UPF1: variants seen among roughly 807,000 people sequenced by gnomAD.
UPF1 encodes UPF1 RNA helicase and ATPase.
In UPF1, 9 loss-of-function variants were observed where a neutral mutation model predicts 129.2. That is an observed-to-expected ratio of 0.07 (90% CI 0.04 to 0.12). UPF1 has a LOEUF of 0.12. UPF1 is among the 10% of genes least tolerant of loss of function. The pLI is 1.00. For missense variants in UPF1, 788 were observed against 1,525.3 expected, an observed-to-expected ratio of 0.52 and a Z score of 8.05; for synonymous variants, 649 against 644.9, an observed-to-expected ratio of 1.01 and a Z score of -0.10.
At chr19:18,847,996 G>A in intron 3 of UPF1, 163 bp downstream of exon 3, 1 of 645,666 alleles carries the variant, frequency 1.5e-6, no homozygotes, top group Non-Finnish European at 2.7e-6. Flanking sequence ...GGTGGTGTGT[G>A]AATGCCTTAA....
intron 2 of UPF1, among the ~76,000 whole-genome samples, chr19:18,846,538 T>G (rs1394721610): frequency 1.3e-5 from 2 of 152,116 alleles, no homozygotes; most frequent in East Asian, 3.9e-4. Context: ...TCCCGCTGCC[T>G]TGGCCGTGCC....
intron 1 of UPF1, among the ~76,000 whole-genome samples, chr19:18,835,592 G>A (rs755433832): frequency 4.6e-5 from 7 of 152,216 alleles, no homozygotes; most frequent in South Asian, 2.1e-4. Flanking sequence ...CACTTGCCTC[G>A]GCCTCCCAAA....
Position 18,865,506 on chromosome 19 carries a change from G to A in UPF1, c.3020-55G>A. The A allele has an allele frequency of 5.0e-6, 8 of 1,612,552 alleles. No homozygotes were observed. Among genetic ancestry groups the A allele is most frequent in the Non-Finnish European group, 6.8e-6 (8 of 1,178,968 alleles). On this transcript the variant is annotated intron_variant, in intron 21 of 23. Transcript: ENST00000262803. This position sits in a 1 kb window ranked among gnomAD's most constrained non-coding sequence, Gnocchi z 6.1. ...CCCTCCTGAGAGCTCTTGAGGGTGT[G>A]CTTGTCTGCGAGGCCCTGGCCTCCT...
intron 3 of UPF1, 133 bp from the exon 4 acceptor site, chr19:18,849,942 C>T: frequency 8.9e-7 from 1 of 1,129,746 alleles, no homozygotes; most frequent in Non-Finnish European, 1.3e-6. Context: ...CCAGAGATGC[C>T]AGATGGATGA....
chr19:18,838,206 G>A (rs2055503568), intron 1 of UPF1, among the ~76,000 whole-genome samples: 1 of 152,254 alleles, frequency 6.6e-6, no homozygotes, highest in East Asian at 1.9e-4. Flanking sequence ...GGGCACGATG[G>A]CCCATGCCTG....
At position 18,860,325 on chromosome 19, in the gene UPF1, T is replaced by C; in HGVS notation, c.2187T>C (p.Asp729=). Residue 729 remains aspartate (D), a synonymous_variant, in exon 16 of 24, where the codon GAT becomes GAC. Coordinates refer to ENST00000262803, the MANE Select transcript of UPF1 (RefSeq NM_002911.4). ...GSLQNGVTAA[D]RVKKGFDFQW... is the part of the protein sequence containing the mutation. ...CTTCTTTCCCTCCCCTCACAGCGGA[T>C]CGTGTGAAGAAGGGATTTGACTTCC... 1 of 1,613,688 alleles carries C rather than the reference T, an allele frequency of 6.2e-7. No individual in the cohort carries two copies. Among genetic ancestry groups the C allele is most frequent in the Non-Finnish European group, 8.5e-7 (1 of 1,179,684 alleles).
At chr19:18,846,200 G>C in intron 2 of UPF1, 81 bp downstream of exon 2, 2 of 1,575,694 alleles carry the variant, frequency 1.3e-6, no homozygotes, top group Non-Finnish European at 1.7e-6. Context: ...TCACCTCCCA[G>C]GTACAGGGTG....
At position 18,833,271 on chromosome 19, in the gene UPF1, A is replaced by G. The variant is rs2055448717; in HGVS notation, c.231+831A>G. 3.3e-5 allele frequency: 5 copies of G among 152,294 alleles called. No homozygotes were observed. The South Asian group carries it at 8.3e-4, about 25-fold the overall frequency. 9.4% of individuals were successfully genotyped at this position (152,294 alleles called of 1,614,324 possible). ...CACATATTGGCTGGCTATTAAGATC[A>G]TTCAGGAAGCAGGTTGTATTTTGTT... On this transcript the variant is annotated intron_variant, in intron 1 of 23. Transcript: ENST00000262803.
Position 18,852,189 on chromosome 19 carries a change from C to G in UPF1, c.865C>G (p.Pro289Ala). The G allele has an allele frequency of 1.2e-6, 2 of 1,613,490 alleles. No individual in the cohort carries two copies. The highest frequency in any genetic ancestry group is 1.7e-6 in the Non-Finnish European group (2 of 1,179,628). ...DLEKPGVDEEPQHVLLRYEDA... is the reference protein window; with the variant it reads ...DLEKPGVDEEAQHVLLRYEDA... ...GGAGAAGCCGGGGGTGGACGAGGAG[C>G]CGCAGCATGTCCTCCTGCGGTACGA... The change falls in exon 6 of 24, where the codon CCG becomes GCG. Residue 289 changes from proline (P) to alanine (A), a missense_variant. Transcript: ENST00000262803.
At chr19:18,864,899 C>T (rs933354706) in intron 20 of UPF1, among the ~76,000 whole-genome samples, 4 of 152,042 alleles carry the variant, frequency 2.6e-5, no homozygotes, top group African/African-American at 7.3e-5. Context: ...CCACCATGCC[C>T]GGCTAGTTTT....
At chr19:18,864,848 C>T (rs1355868441) in intron 20 of UPF1, among the ~76,000 whole-genome samples, 4 of 146,490 alleles carry the variant, frequency 2.7e-5, no homozygotes, top group African/African-American at 1.0e-4. Context: ...AAGCGATTCT[C>T]CTGCCTTGGC....
chr19:18,854,048 C>T (rs2055689050), intron 8 of UPF1, among the ~76,000 whole-genome samples: 1 of 152,166 alleles, frequency 6.6e-6, no homozygotes, highest in Admixed American at 6.5e-5. Flanking sequence ...GGTTTTGGGG[C>T]TCGGGGTCGA....
At position 18,866,821 on chromosome 19, in the gene UPF1, C is replaced by A. The variant is rs1002785457; in HGVS notation, c.*304C>A. On this transcript the variant is annotated 3_prime_UTR_variant, in exon 24 of 24. Transcript: ENST00000262803. ...AGGGCGGAGGGAGGAAGACCCTCAT[C>A]TCAGAGTAGCCCTTTCCTCTGTTCT... 5 of 152,612 alleles carry A rather than the reference C, an allele frequency of 3.3e-5. No homozygotes were observed. The highest frequency in any genetic ancestry group is 1.2e-4 in the African/African-American group (5 of 41,468). The allele number at this position is 152,612 out of a possible 1,614,324, so 9.5% of individuals were successfully genotyped here. A position where few individuals can be genotyped will look rare whatever the true frequency, so the allele number is the denominator to read the frequency against.
At chr19:18,849,661 G>T (rs1355884107) in intron 3 of UPF1, among the ~76,000 whole-genome samples, 15 of 152,314 alleles carry the variant, frequency 9.8e-5, no homozygotes, top group Non-Finnish European at 1.6e-4. Flanking sequence ...GGCCTCTGAG[G>T]AGTGATTTCA....
At chr19:18,858,406 C>T (rs1009375492) in intron 15 of UPF1, among the ~76,000 whole-genome samples, 2 of 151,930 alleles carry the variant, frequency 1.3e-5, no homozygotes, top group African/African-American at 4.8e-5. Flanking sequence ...CCACCATTGC[C>T]AGTGAAATGT....
rs749586288 is a variant in UPF1, at chr19:18,832,191, G to C, written c.-19G>C. 1.3e-6 allele frequency: 2 copies of C among 1,529,342 alleles called. No individual in the cohort carries two copies. Among genetic ancestry groups the C allele is most frequent in the Non-Finnish European group, 8.8e-7 (1 of 1,136,660 alleles). The allele number at this position is 1,529,342 out of a possible 1,614,324, so 94.7% of individuals were successfully genotyped here. ...GAGTGCAGCGCGGAACCGGCCCGAG[G>C]GCCCTACCCGGAGGCACCATGAGCG... On this transcript the variant is annotated 5_prime_UTR_variant, in exon 1 of 24. Transcript: ENST00000262803. This position sits in a 1 kb window ranked among gnomAD's most constrained non-coding sequence, Gnocchi z 5.6.
At chr19:18,864,841 C>T (rs1387161217) in intron 20 of UPF1, among the ~76,000 whole-genome samples, 12 of 142,046 alleles carry the variant, frequency 8.4e-5, no homozygotes, top group Admixed American at 4.7e-4. Flanking sequence ...TGGGTTCAAG[C>T]GATTCTCCTG....
At chr19:18,844,304 G>C (rs533267073) in intron 1 of UPF1, among the ~76,000 whole-genome samples, 5 of 149,224 alleles carry the variant, frequency 3.4e-5, no homozygotes, top group South Asian at 2.1e-4. Flanking sequence ...GGGGCCGGGG[G>C]GGGGTTTGGG....
intron 9 of UPF1, 48 bp downstream of exon 9, chr19:18,854,757 G>A (rs1568278092): frequency 6.2e-7 from 1 of 1,607,274 alleles, no homozygotes; most frequent in Non-Finnish European, 8.5e-7. Flanking sequence ...TGCCACCTGT[G>A]GCATCTTTAT....
Sources: gnomAD v4.1 joint callset for allele counts (sites outside exome capture counted in the v4.1 genomes callset) on GRCh38, gnomAD v4.1.1 for gene constraint, Gnocchi (gnomAD v3.1) non-coding constraint, MANE v1.5 for transcripts, NCBI Gene and HGNC (gene_info 2026-07-23, HGNC 2026-07-21) for gene names.